Variants in PHKB observed in about 807,000 individuals in gnomAD.
PHKB encodes phosphorylase kinase regulatory subunit beta.
In PHKB, 122 loss-of-function variants were observed where a neutral mutation model predicts 152.1. The ratio of observed to expected loss-of-function variants is 0.80; its 90% CI spans 0.69 to 0.93. The LOEUF is 0.93. Ranked by LOEUF, PHKB falls within the 40% of genes least tolerant of loss-of-function variation. PHKB has a pLI of 0.00. For missense variants in PHKB, 1,304 were observed against 1,328.4 expected, an observed-to-expected ratio of 0.98 and a Z score of 0.29; for synonymous variants, 436 against 464.9, an observed-to-expected ratio of 0.94 and a Z score of 0.80.
chr16:47,638,854 T>C (rs960192715), intron 14 of PHKB, among the ~76,000 whole-genome samples: 6 of 152,240 alleles, frequency 3.9e-5, no homozygotes, highest in Non-Finnish European at 7.3e-5. Flanking sequence ...TACGTGTGTG[T>C]GTGTGTTTGT....
chr16:47,548,474 G>A (rs960081352), intron 7 of PHKB, among the ~76,000 whole-genome samples: 3 of 152,122 alleles, frequency 2.0e-5, no homozygotes, highest in Non-Finnish European at 4.4e-5. Flanking sequence ...GGGCATGGTG[G>A]TGCGTGCCTG....
chr16:47,485,685 T>C (rs1970037055), intron 1 of PHKB, among the ~76,000 whole-genome samples: 1 of 152,178 alleles, frequency 6.6e-6, no homozygotes, highest in Non-Finnish European at 1.5e-5. Context: ...AGGTGCGTGA[T>C]CTTTGCTCAC....
chr16:47,631,599 G>A (rs995227471), intron 14 of PHKB, among the ~76,000 whole-genome samples: 4 of 152,114 alleles, frequency 2.6e-5, no homozygotes, highest in Admixed American at 1.3e-4. Context: ...ATCTACATTA[G>A]GTATTTCTCC....
In PHKB at chr16:47,664,972, A is replaced by G. The variant is rs762565799; in HGVS notation, c.2424A>G (p.Lys808=). ...PHITTFLVHG[K]QVTLGAFGHE... ...TTACTACTTTTCTGGTACATGGGAA[A>G]CAGGTAACATGCACAGAATTTGAAA... The change falls in exon 25 of 31, where the codon AAA becomes AAG. Residue 808 remains lysine (K), a synonymous_variant. Coordinates refer to ENST00000323584, the MANE Select transcript of PHKB (RefSeq NM_000293.3). 1 of 1,601,760 alleles carries G rather than the reference A, an allele frequency of 6.2e-7. No homozygotes were observed. Among genetic ancestry groups the G allele is most frequent in the Non-Finnish European group, 8.6e-7 (1 of 1,168,816 alleles).
At chr16:47,550,591 C>T (rs768628847) in intron 7 of PHKB, among the ~76,000 whole-genome samples, 2 of 152,192 alleles carry the variant, frequency 1.3e-5, no homozygotes, top group Non-Finnish European at 2.9e-5. Flanking sequence ...ACTAGGGCCT[C>T]AGCTGAAGTG....
intron 5 of PHKB, among the ~76,000 whole-genome samples, chr16:47,513,289 G>T (rs141360560): frequency 1.1e-4 from 16 of 152,294 alleles, no homozygotes; most frequent in African/African-American, 3.4e-4. Context: ...CTGCCCATAG[G>T]AGTGAAATTT....
chr16:47,639,897 G>T (rs1972986773), intron 14 of PHKB, among the ~76,000 whole-genome samples: 1 of 152,138 alleles, frequency 6.6e-6, no homozygotes, highest in Non-Finnish European at 1.5e-5. Context: ...TCTTGATGAG[G>T]CTTTGAAAAC....
intron 8 of PHKB, among the ~76,000 whole-genome samples, chr16:47,583,963 G>A (rs567721328): frequency 2.7e-4 from 41 of 151,680 alleles, no homozygotes; most frequent in Admixed American, 6.6e-4. Flanking sequence ...ATTTTTACGG[G>A]CAGTTGTTGG....
intron 16 of PHKB, among the ~76,000 whole-genome samples, chr16:47,647,044 T>C (rs893498164): frequency 6.6e-6 from 1 of 152,174 alleles, no homozygotes; most frequent in African/African-American, 2.4e-5. Flanking sequence ...TCTGCTCCAC[T>C]GTGGCACCCT....
chr16:47,537,648 A>G (rs1349212753), intron 6 of PHKB, among the ~76,000 whole-genome samples: 1 of 152,166 alleles, frequency 6.6e-6, no homozygotes, highest in Non-Finnish European at 1.5e-5. Flanking sequence ...ACAGTAGTCA[A>G]AGTTGATCTC....
intron 6 of PHKB, among the ~76,000 whole-genome samples, chr16:47,522,648 T>C (rs1364408020): frequency 2.0e-5 from 3 of 151,842 alleles, no homozygotes. Flanking sequence ...TGACTTGAGA[T>C]CATTCTTCTT....
rs1160689975 is a variant in PHKB, at chr16:47,596,504, G to A, written c.1336G>A (p.Ala446Thr). ...TGGAAAACTGTTTCTTTGGGGACAA[G>A]CACTTTATATCATCGCAAAACTCCT... is the stretch of plus-strand genomic sequence containing the variant. ...RDGKLFLWGQ[A>T]LYIIAKLLAD... is the part of the protein sequence containing the mutation. Residue 446 changes from alanine (A) to threonine (T), a missense_variant, in exon 13 of 31, where the codon GCA becomes ACA. Coordinates refer to ENST00000323584, the MANE Select transcript of PHKB (RefSeq NM_000293.3). 2.5e-6 allele frequency: 4 copies of A among 1,613,916 alleles called. No individual in the cohort carries two copies. Among genetic ancestry groups the A allele is most frequent in the Non-Finnish European group, 3.4e-6 (4 of 1,179,842 alleles).
At chr16:47,581,414 TAGAC>T (rs766116234) in intron 8 of PHKB, among the ~76,000 whole-genome samples, 13 of 152,224 alleles carry the variant, frequency 8.5e-5, no homozygotes, top group South Asian at 6.2e-4. Flanking sequence ...GATGAATAGA[TAGAC>T]AGACAGGAGT....
intron 1 of PHKB, among the ~76,000 whole-genome samples, chr16:47,489,359 C>T (rs1392524448): frequency 2.0e-5 from 3 of 152,164 alleles, no homozygotes; most frequent in Non-Finnish European, 4.4e-5. Flanking sequence ...ATTTCTCTTC[C>T]TCCAGTACTC....
At chr16:47,540,819 GTTTTTTTTTTT>G (rs75589113) in intron 6 of PHKB, among the ~76,000 whole-genome samples, 1 of 64,276 alleles carries the variant, frequency 1.6e-5, no homozygotes, top group Non-Finnish European at 2.8e-5. Context: ...TAAATGTCCT[GTTTTTTTTTTT>G]TTTTTTTTTT....
At chr16:47,602,367 TG>T (rs1339763775) in intron 13 of PHKB, among the ~76,000 whole-genome samples, 1 of 152,194 alleles carries the variant, frequency 6.6e-6, no homozygotes, top group Non-Finnish European at 1.5e-5. Flanking sequence ...CTTAATTTCT[TG>T]GGTTCCCAAA....
intron 14 of PHKB, among the ~76,000 whole-genome samples, chr16:47,622,259 C>T (rs950151716): frequency 5.9e-5 from 9 of 152,060 alleles, no homozygotes; most frequent in South Asian, 2.1e-4. Flanking sequence ...ACCTACTTCA[C>T]GTTTTTTCCT....
chr16:47,506,355 A>T (rs1306647777), intron 4 of PHKB, among the ~76,000 whole-genome samples: 1 of 152,220 alleles, frequency 6.6e-6, no homozygotes, highest in Non-Finnish European at 1.5e-5. Context: ...ATAAGCTGAT[A>T]ATAGAGACAT....
intron 7 of PHKB, among the ~76,000 whole-genome samples, chr16:47,567,991 G>A (rs1971598284): frequency 1.3e-5 from 2 of 152,172 alleles, no homozygotes; most frequent in South Asian, 2.1e-4. Flanking sequence ...ATTTTGGTCT[G>A]TATTTCTTTA....
Sources: gnomAD v4.1 joint callset for allele counts (sites outside exome capture counted in the v4.1 genomes callset) on GRCh38, gnomAD v4.1.1 for gene constraint, MANE v1.5 for transcripts, NCBI Gene and HGNC (gene_info 2026-07-23, HGNC 2026-07-21) for gene names.